The following CACNA1H variants were observed in gnomAD, a reference collection of about 807,000 sequenced individuals.
The protein encoded by CACNA1H is calcium voltage-gated channel subunit alpha1 H.
CACNA1H carries 149 observed loss-of-function variants against 192.5 expected under a neutral mutation model. That is an observed-to-expected ratio of 0.77 (90% CI 0.68 to 0.89). The LOEUF (loss-of-function observed/expected upper bound fraction) is 0.89, where lower values mean the gene tolerates loss of function less well. Ranked by LOEUF, CACNA1H falls within the 40% of genes least tolerant of loss-of-function variation. CACNA1H has a pLI of 0.00. For synonymous variants in CACNA1H, 2,202 were observed against 1,475.2 expected, an observed-to-expected ratio of 1.49 and a Z score of -11.29; for missense variants, 4,257 against 3,423.5, an observed-to-expected ratio of 1.24 and a Z score of -6.08.
At position 1,167,582 on chromosome 16, in the gene CACNA1H, GC is replaced by G. The variant is rs1963927274; in HGVS notation, c.299+13547del. The stretch of plus-strand genomic sequence containing the variant: ...GGCTGGAGCCACACTCCTCACCGCG[GC>G]GGTGCCACTAATGGGGTTGCCGTGG... On this transcript the variant is annotated intron_variant, in intron 2 of 34. Coordinates refer to ENST00000348261, the MANE Select transcript of CACNA1H (RefSeq NM_021098.3). The surrounding 1 kb of genome is among the most constrained non-coding windows in gnomAD (Gnocchi z 4.2). Among the ~76,000 whole-genome samples the G allele has an allele frequency of 6.6e-6, 1 of 152,218 alleles. No individual in the cohort carries two copies. The highest frequency in any genetic ancestry group is 2.1e-4 in the South Asian group (1 of 4,830).
chr16:1,212,619 C>A, intron 26 of CACNA1H, 91 bp downstream of exon 26: 1 of 1,477,872 alleles, frequency 6.8e-7, no homozygotes, highest in Non-Finnish European at 9.2e-7. Flanking sequence ...GGGTCCTCCG[C>A]AGGGTGGGCA....
chr16:1,166,888 G>T (rs948018435), intron 2 of CACNA1H, among the ~76,000 whole-genome samples: 1 of 152,222 alleles, frequency 6.6e-6, no homozygotes, highest in Non-Finnish European at 1.5e-5. Flanking sequence ...GGCCGTCCCT[G>T]CTCCAGGTTC....
chr16:1,211,728 C>T lies in CACNA1H; in HGVS notation c.4489C>T (p.Leu1497=). 1 of 1,612,634 alleles carries T rather than the reference C, an allele frequency of 6.2e-7. No homozygotes were observed. Among genetic ancestry groups the T allele is most frequent in the Non-Finnish European group, 8.5e-7 (1 of 1,179,716 alleles). ...CTCTGGCCCTCAGGCCCTGATGTCG[C>T]TGTTCGTGCTGTCATCCAAGGATGG... ...FDNLGQALMS[L]FVLSSKDGWV... Residue 1497 remains leucine, a synonymous_variant, in exon 24 of 35, where the codon CTG becomes TTG. Coordinates refer to ENST00000348261, the MANE Select transcript of CACNA1H (RefSeq NM_021098.3).
In CACNA1H at chr16:1,201,773, G is replaced by C. The variant is rs778972217; in HGVS notation, c.1323G>C (p.Leu441=). The C allele has an allele frequency of 1.2e-6, 2 of 1,605,342 alleles. No individual in the cohort carries two copies. The highest frequency in any genetic ancestry group is 8.5e-7 in the Non-Finnish European group (1 of 1,177,002). Reference sequence around the variant, plus strand: ...TGCGGGAGCAGCGGGCACGCCACCTGTCCAACGACAGCACGCTGGCCAGCT... The same window carrying C: ...TGCGGGAGCAGCGGGCACGCCACCTCTCCAACGACAGCACGCTGGCCAGCT... ...QLMREQRARH[L]SNDSTLASFS... The change falls in exon 9 of 35, where the codon CTG becomes CTC. Residue 441 remains leucine (L), a synonymous_variant. Transcript: ENST00000348261.
chr16:1,220,086 G>C lies in CACNA1H; in HGVS notation c.6154G>C (p.Gly2052Arg). 6.8e-7 allele frequency: 1 copy of C among 1,461,694 alleles called. No homozygotes were observed. Among genetic ancestry groups the C allele is most frequent in the Non-Finnish European group, 9.0e-7 (1 of 1,108,574 alleles). 90.5% of individuals were successfully genotyped at this position (1,461,694 alleles called of 1,614,324 possible). A position where few individuals can be genotyped will look rare whatever the true frequency, so the allele number is the denominator to read the frequency against. The stretch of plus-strand genomic sequence containing the variant: ...AACCCCGGTGAGGCCGGTGACCCAG[G>C]GGGGCTCCCTGCAGTCCCCACCACG... ...EKTPVRPVTQ[G>R]GSLQSPPRSP... Residue 2052 changes from glycine to arginine, a missense_variant, in exon 35 of 35, where the codon GGG (glycine) becomes CGG (arginine). Gly to Arg is a moderately radical substitution (Grantham distance 125). Coordinates refer to ENST00000348261, the MANE Select transcript of CACNA1H (RefSeq NM_021098.3).
In CACNA1H at chr16:1,153,876, G is replaced by T. The variant is rs1961908516; in HGVS notation, c.139G>T (p.Gly47Cys). Residue 47 changes from glycine (G) to cysteine (C), a missense_variant, in exon 2 of 35, where the codon GGC (glycine) becomes TGC (cysteine). Transcript: ENST00000348261. ...CGAGGCGGAGCGGGGGTCCGAGCTCGGCGTGTCACCCTCCGAGAGCCCGGC... is the reference window on the plus strand; with the variant it reads ...CGAGGCGGAGCGGGGGTCCGAGCTCTGCGTGTCACCCTCCGAGAGCCCGGC... ...GREAERGSEL[G>C]VSPSESPAAE... is the part of the protein sequence containing the mutation. The T allele has an allele frequency of 7.1e-7, 1 of 1,407,188 alleles. No homozygotes were observed. The highest frequency in any genetic ancestry group is 9.3e-7 in the Non-Finnish European group (1 of 1,077,112). The allele number at this position is 1,407,188 out of a possible 1,614,324, so 87.2% of individuals were successfully genotyped here. A position where few individuals can be genotyped will look rare whatever the true frequency, so the allele number is the denominator to read the frequency against.
chr16:1,155,332 T>TG (rs1962191132), intron 2 of CACNA1H, among the ~76,000 whole-genome samples: 1 of 152,158 alleles, frequency 6.6e-6, no homozygotes, highest in Non-Finnish European at 1.5e-5. Context: ...TGCGAGTAGG[T>TG]GGGTGTCCCC....
intron 2 of CACNA1H, among the ~76,000 whole-genome samples, chr16:1,176,221 G>T (rs1596328848): frequency 6.6e-6 from 1 of 152,380 alleles, no homozygotes; most frequent in East Asian, 1.9e-4. Flanking sequence ...TTGTGCTGGA[G>T]CTGCCCTGAC....
rs1291960840 is a variant in CACNA1H, at chr16:1,167,651, C to A, written c.299+13615C>A. Among the ~76,000 whole-genome samples the A allele has an allele frequency of 6.6e-6, 1 of 152,186 alleles. No homozygotes were observed. The highest frequency in any genetic ancestry group is 1.5e-5 in the Non-Finnish European group (1 of 68,036). ...CCCCAGCTGCTCCTGGTTGACCGGCCCGGCCTGTGTTACATAAAGCGGTTT... is the reference window on the plus strand; with the variant it reads ...CCCCAGCTGCTCCTGGTTGACCGGCACGGCCTGTGTTACATAAAGCGGTTT... On this transcript the variant is annotated intron_variant, in intron 2 of 34. Coordinates refer to ENST00000348261, the MANE Select transcript of CACNA1H (RefSeq NM_021098.3). This position sits in a 1 kb window ranked among gnomAD's most constrained non-coding sequence, Gnocchi z 4.2.
intron 28 of CACNA1H, 77 bp from the exon 29 acceptor site, chr16:1,215,165 A>G: frequency 6.3e-7 from 1 of 1,579,628 alleles, no homozygotes; most frequent in Non-Finnish European, 8.6e-7. Context: ...AGGCTTTCCC[A>G]CGGAGGTCTG....
rs1000394536 is a variant in CACNA1H at position 1,219,097 on chromosome 16, C to T, written c.6015C>T (p.Arg2005=). The T allele has an allele frequency of 3.2e-6, 5 of 1,546,332 alleles. No homozygotes were observed. In the African/African-American group the frequency reaches 4.1e-5, roughly 13 times the overall value. ...LHALSPRGTA[R]SPSLSRLLCR... ...CCCTGTCCCCTCGGGGCACAGCCCG[C>T]TCCCCCAGTCTCAGCCGGCTGCTCT... Residue 2005 remains arginine (R), a synonymous_variant, in exon 34 of 35, where the codon CGC becomes CGT. Coordinates refer to ENST00000348261, the MANE Select transcript of CACNA1H (RefSeq NM_021098.3).
intron 2 of CACNA1H, among the ~76,000 whole-genome samples, chr16:1,156,590 T>C (rs900493883): frequency 1.3e-5 from 2 of 151,906 alleles, no homozygotes; most frequent in Admixed American, 1.3e-4. Context: ...AGCAAGAGGG[T>C]GCTTCCTGGG....
At position 1,186,795 on chromosome 16, in the gene CACNA1H, A is replaced by T. The variant is rs528420931; in HGVS notation, c.300-8177A>T. ...TATTCTGCCCTTCTAGCTCTTCTGT[A>T]TACAAGCAGTGCGCCCTGGTTCTCA... On this transcript the variant is annotated intron_variant, in intron 2 of 34. Coordinates refer to ENST00000348261, the MANE Select transcript of CACNA1H (RefSeq NM_021098.3). Among the ~76,000 whole-genome samples, 881 of 152,240 alleles carry T rather than the reference A, an allele frequency of 5.8e-3. 9 individuals carry two copies. Among genetic ancestry groups the T allele is most frequent in the African/African-American group, 0.019 (779 of 41,512 alleles).
intron 2 of CACNA1H, among the ~76,000 whole-genome samples, chr16:1,176,206 G>C (rs1179569003): frequency 6.6e-6 from 1 of 152,264 alleles, no homozygotes; most frequent in Non-Finnish European, 1.5e-5. Flanking sequence ...TGTGGTTAGA[G>C]ATGTTTGTGC....
chr16:1,214,475 G>A (rs758238500), intron 27 of CACNA1H, among the ~76,000 whole-genome samples: 125 of 152,290 alleles, frequency 8.2e-4, no homozygotes, highest in Non-Finnish European at 1.4e-3. Context: ...TTCCCTCTCC[G>A]GAGGTTCGTC....
rs773501953 is a variant in CACNA1H, at chr16:1,202,073, C to T, written c.1623C>T (p.Pro541=). ...FSHGSPRRPG[P]EPGACDTRLV... is the part of the protein sequence containing the mutation. ...ATGGCAGCCCCCGCAGGCCCGGCCC[C>T]GAGCCAGGCGCCTGCGACACCAGGC... Residue 541 remains proline, a synonymous_variant, in exon 9 of 35, where the codon CCC becomes CCT. Coordinates refer to ENST00000348261, the MANE Select transcript of CACNA1H (RefSeq NM_021098.3). The T allele has an allele frequency of 1.6e-4, 241 of 1,540,674 alleles. No individual in the cohort carries two copies. The highest frequency in any genetic ancestry group is 1.9e-4 in the Non-Finnish European group (222 of 1,144,974).
chr16:1,170,130 G>C (rs1964215661), intron 2 of CACNA1H, among the ~76,000 whole-genome samples: 2 of 152,258 alleles, frequency 1.3e-5, no homozygotes, highest in Admixed American at 1.3e-4. Context: ...TGCAGGGTCT[G>C]CCTGCAGGTG....
Position 1,207,088 on chromosome 16 carries a change from C to T in CACNA1H, c.2877C>T (p.Ser959=), listed in dbSNP as rs200038089. 5.1e-5 allele frequency: 81 copies of T among 1,599,744 alleles called. 1 individual carries two copies. Among genetic ancestry groups the T allele is most frequent in the Non-Finnish European group, 6.1e-5 (71 of 1,173,194 alleles). ...DTVPDRKNFD[S]LLWAIVTVFQ... is the part of the protein sequence containing the mutation. The stretch of plus-strand genomic sequence containing the variant: ...TGCCTGACAGGAAGAACTTCGACTC[C>T]CTGCTGTGGGCCATCGTCACCGTGT... The change falls in exon 13 of 35, where the codon TCC becomes TCT. Residue 959 remains serine (S), a synonymous_variant. Coordinates refer to ENST00000348261, the MANE Select transcript of CACNA1H (RefSeq NM_021098.3).
At position 1,165,445 on chromosome 16, in the gene CACNA1H, A is replaced by C. The variant is rs577428598; in HGVS notation, c.299+11409A>C. Among the ~76,000 whole-genome samples, 749 of 152,276 alleles carry C rather than the reference A, an allele frequency of 4.9e-3. 8 individuals are homozygous for C. The highest frequency in any genetic ancestry group is 0.017 in the African/African-American group (715 of 41,540). Reference sequence around the variant, plus strand: ...CTGGGTCACTCAAATAAGGAGGATGAGGCCTATGGTCTCAGGGAGCCGCGT... The same window carrying C: ...CTGGGTCACTCAAATAAGGAGGATGCGGCCTATGGTCTCAGGGAGCCGCGT... On this transcript the variant is annotated intron_variant, in intron 2 of 34. Transcript: ENST00000348261.
Sources: gnomAD v4.1 joint callset for allele counts (sites outside exome capture counted in the v4.1 genomes callset) on GRCh38, gnomAD v4.1.1 for gene constraint, Gnocchi (gnomAD v3.1) non-coding constraint, MANE v1.5 for transcripts, NCBI Gene and HGNC (gene_info 2026-07-23, HGNC 2026-07-21) for gene names.